Variants in FBXW8 observed in about 807,000 individuals in gnomAD.
The protein encoded by FBXW8 is F-box/WD repeat-containing protein 8.
In FBXW8, 57 loss-of-function variants were observed where a neutral mutation model predicts 65.3. The ratio of observed to expected loss-of-function variants is 0.87; its 90% CI spans 0.71 to 1.09. FBXW8 has a LOEUF of 1.09. Ranked by LOEUF, FBXW8 falls within the 50% of genes least tolerant of loss-of-function variation. The pLI is 0.00. For synonymous variants in FBXW8, 308 were observed against 330.2 expected (o/e 0.93, Z 0.73); for missense variants, 777 against 814.8 (o/e 0.95, Z 0.57).
chr12:116,930,172 C>G (rs1881659559), intron 2 of FBXW8, among the ~76,000 whole-genome samples: 1 of 152,198 alleles, frequency 6.6e-6, no homozygotes, highest in African/African-American at 2.4e-5. Flanking sequence ...GATTTCACTT[C>G]CTTTGGATGT....
rs1173352528 is a variant in FBXW8, at chr12:117,024,303, G to A, written c.1524G>A (p.Leu508=). 6.8e-6 allele frequency: 11 copies of A among 1,614,086 alleles called. No homozygotes were observed. The highest frequency in any genetic ancestry group is 4.5e-5 in the East Asian group (2 of 44,898). Residue 508 remains leucine, a synonymous_variant, in exon 9 of 11, where the codon CTG becomes CTA. Coordinates refer to ENST00000652555, the MANE Select transcript of FBXW8 (RefSeq NM_153348.3). ...GGGATTATCGGATGAACCAGAAGCT[G>A]TGGGAGGTGTATTCCGGGTAAGGTG... ...SVWDYRMNQK[L]WEVYSGHPVQ... is the part of the protein sequence containing the mutation.
intron 1 of FBXW8, among the ~76,000 whole-genome samples, chr12:116,920,711 C>T (rs1363266856): frequency 6.6e-6 from 1 of 152,088 alleles, no homozygotes; most frequent in African/African-American, 2.4e-5. Context: ...GTGACCAGGA[C>T]CCGCACTTAG....
chr12:116,926,985 G>A (rs764191798), intron 1 of FBXW8, among the ~76,000 whole-genome samples: 25 of 151,988 alleles, frequency 1.6e-4, no homozygotes, highest in Non-Finnish European at 2.9e-4. Flanking sequence ...ACATAAGACC[G>A]CTGTATTTGA....
At chr12:116,953,051 T>TA (rs749536061) in intron 4 of FBXW8, among the ~76,000 whole-genome samples, 2 of 152,208 alleles carry the variant, frequency 1.3e-5, no homozygotes, top group Non-Finnish European at 2.9e-5. Flanking sequence ...AAGCATCTTT[T>TA]AAAACCATGA....
intron 4 of FBXW8, among the ~76,000 whole-genome samples, chr12:116,960,738 C>T (rs1418622485): frequency 6.6e-6 from 1 of 152,202 alleles, no homozygotes; most frequent in Non-Finnish European, 1.5e-5. Flanking sequence ...ATGATGAGCT[C>T]TGCATAAGGC....
chr12:116,916,637 C>T (rs546956841), intron 1 of FBXW8, among the ~76,000 whole-genome samples: 1 of 152,250 alleles, frequency 6.6e-6, no homozygotes, highest in South Asian at 2.1e-4. Flanking sequence ...GTGGCACATG[C>T]CTGTACTCCC....
rs1177438845 is a variant in FBXW8 at position 116,964,007 on chromosome 12, T to C, written c.678-690T>C. Among the ~76,000 whole-genome samples, 3 of 152,220 alleles carry C rather than the reference T, an allele frequency of 2.0e-5. No individual in the cohort carries two copies. In the East Asian group the frequency reaches 5.8e-4, roughly 29 times the overall value. ...CTGGGGGCCTCAAGTCTGAGTAGGT[T>C]CGGCCTGGCCTGGCTTTGATGGAAG... On this transcript the variant is annotated intron_variant, in intron 4 of 10. Transcript: ENST00000652555.
intron 2 of FBXW8, among the ~76,000 whole-genome samples, chr12:116,944,582 A>T (rs1341380036): frequency 6.6e-6 from 1 of 152,218 alleles, no homozygotes; most frequent in Non-Finnish European, 1.5e-5. Context: ...GCAGACCGGG[A>T]TCACGCTGAT....
chr12:117,011,745 G>A (rs903152871), intron 8 of FBXW8, among the ~76,000 whole-genome samples: 4 of 152,240 alleles, frequency 2.6e-5, no homozygotes, highest in African/African-American at 9.6e-5. Flanking sequence ...GATGGTGGAT[G>A]GTGCTCAGAG....
chr12:117,027,720 G>GC (rs1475796471), intron 10 of FBXW8, among the ~76,000 whole-genome samples: 1 of 152,244 alleles, frequency 6.6e-6, no homozygotes, highest in East Asian at 1.9e-4. Flanking sequence ...CACGCTGTCG[G>GC]CTGTACAGAG....
chr12:117,016,054 AC>A (rs1256047233), intron 8 of FBXW8, among the ~76,000 whole-genome samples: 1 of 152,236 alleles, frequency 6.6e-6, no homozygotes, highest in Non-Finnish European at 1.5e-5. Flanking sequence ...GTACAGATAT[AC>A]TACATTTTCT....
intron 4 of FBXW8, among the ~76,000 whole-genome samples, chr12:116,960,913 A>G (rs1006285027): frequency 6.6e-6 from 1 of 152,038 alleles, no homozygotes; most frequent in African/African-American, 2.4e-5. Context: ...AGGGGAGGGG[A>G]GGGCCTGTGT....
intron 4 of FBXW8, among the ~76,000 whole-genome samples, chr12:116,958,213 G>A (rs1415414510): frequency 1.3e-5 from 2 of 152,150 alleles, no homozygotes; most frequent in African/African-American, 4.8e-5. Flanking sequence ...CTGCACTGTG[G>A]GATTGAGTTC....
intron 1 of FBXW8, among the ~76,000 whole-genome samples, chr12:116,915,436 C>G (rs1880326020): frequency 6.6e-6 from 1 of 152,122 alleles, no homozygotes; most frequent in Admixed American, 6.5e-5. Flanking sequence ...GGCCTAAATA[C>G]ACAGCTTGAT....
chr12:116,989,959 G>C (rs746242732), intron 7 of FBXW8, among the ~76,000 whole-genome samples: 1 of 152,200 alleles, frequency 6.6e-6, no homozygotes, highest in South Asian at 2.1e-4. Context: ...GAGAGCTCCC[G>C]ACCTGTTAGC....
At chr12:116,914,821 G>C (rs1358531241) in intron 1 of FBXW8, among the ~76,000 whole-genome samples, 1 of 152,222 alleles carries the variant, frequency 6.6e-6, no homozygotes, top group Non-Finnish European at 1.5e-5. Context: ...GTTGTGGTGA[G>C]CCGAGATCGT....
intron 7 of FBXW8, among the ~76,000 whole-genome samples, chr12:117,007,848 G>A (rs1213327136): frequency 1.3e-5 from 2 of 152,022 alleles, no homozygotes; most frequent in African/African-American, 4.8e-5. Context: ...AGGGAGAAAT[G>A]GTAAAGGTCG....
intron 7 of FBXW8, among the ~76,000 whole-genome samples, chr12:116,990,452 A>G (rs1284333615): frequency 6.6e-6 from 1 of 151,768 alleles, no homozygotes; most frequent in Non-Finnish European, 1.5e-5. Flanking sequence ...TTCTTTTCCC[A>G]TCCCTGGTGA....
intron 2 of FBXW8, among the ~76,000 whole-genome samples, chr12:116,944,603 A>C (rs1470261634): frequency 6.6e-6 from 1 of 152,224 alleles, no homozygotes; most frequent in Non-Finnish European, 1.5e-5. Context: ...CTGCTCGATC[A>C]GTTTCTCATC....
Sources: allele counts gnomAD v4.1 joint callset (sites outside exome capture counted in the v4.1 genomes callset), GRCh38; gene constraint gnomAD v4.1.1; transcripts MANE v1.5; gene names NCBI Gene and HGNC (gene_info 2026-07-23, HGNC 2026-07-21).